Variants in PCSK5 observed in about 807,000 individuals in gnomAD.
The protein encoded by PCSK5 is prohormone convertase 5.
In PCSK5, 129 loss-of-function variants were observed where a neutral mutation model predicts 233.2. The observed-to-expected ratio is 0.55, with a 90% CI of 0.48 to 0.64. The LOEUF (loss-of-function observed/expected upper bound fraction) is 0.64, where lower values mean the gene tolerates loss of function less well. Among genes scored for constraint, PCSK5 ranks in the 30% least tolerant of loss-of-function variants. PCSK5 has a pLI of 0.00. For missense variants in PCSK5, 2,076 were observed against 2,430.1 expected, an observed-to-expected ratio of 0.85 and a Z score of 3.06; for synonymous variants, 825 against 879.2, an observed-to-expected ratio of 0.94 and a Z score of 1.09.
chr9:76,051,761 G>A (rs1255494521), intron 5 of PCSK5, among the ~76,000 whole-genome samples: 1 of 152,176 alleles, frequency 6.6e-6, no homozygotes, highest in African/African-American at 2.4e-5. Flanking sequence ...TATATTCATT[G>A]TCAAGGAGTA....
chr9:76,332,965 C>A (rs1829578273), intron 34 of PCSK5, among the ~76,000 whole-genome samples: 1 of 152,198 alleles, frequency 6.6e-6, no homozygotes, highest in Admixed American at 6.5e-5. Flanking sequence ...TCACTTAAGG[C>A]AGGAGTTTGA....
At chr9:75,911,201 G>GTTTTTTTTTT (rs71370772) in intron 1 of PCSK5, among the ~76,000 whole-genome samples, 13 of 48,760 alleles carry the variant, frequency 2.7e-4, no homozygotes, top group African/African-American at 7.6e-4. Flanking sequence ...GAACATATAG[G>GTTTTTTTTTT]TTTTTTTTTT....
chr9:76,072,883 A>G (rs1830527459), intron 7 of PCSK5, among the ~76,000 whole-genome samples: 2 of 152,224 alleles, frequency 1.3e-5, no homozygotes, highest in South Asian at 2.1e-4. Flanking sequence ...GGAATTAACT[A>G]TAAACAGCCC....
chr9:75,968,654 G>C (rs991863476), intron 2 of PCSK5, among the ~76,000 whole-genome samples: 3 of 152,176 alleles, frequency 2.0e-5, no homozygotes. Context: ...AAATACATGA[G>C]GGCCAGATTT....
intron 5 of PCSK5, 152 bp downstream of exon 5, chr9:76,027,189 G>A: frequency 1.8e-6 from 1 of 564,034 alleles, no homozygotes; most frequent in South Asian, 2.5e-5. Context: ...TGAAGCCTCT[G>A]AGTAAGAAAA....
chr9:76,205,676 C>T (rs548411610), intron 20 of PCSK5, among the ~76,000 whole-genome samples: 4 of 152,196 alleles, frequency 2.6e-5, no homozygotes, highest in Non-Finnish European at 5.9e-5. Context: ...TGGTTGTCAA[C>T]GAGACAACAT....
chr9:75,967,961 C>T (rs1380512007), intron 2 of PCSK5, among the ~76,000 whole-genome samples: 1 of 152,214 alleles, frequency 6.6e-6, no homozygotes, highest in African/African-American at 2.4e-5. Context: ...GGGGTTTCTC[C>T]ATGTTGGTCA....
At chr9:76,112,883 A>G (rs752688359) in intron 9 of PCSK5, among the ~76,000 whole-genome samples, 9 of 152,132 alleles carry the variant, frequency 5.9e-5, no homozygotes, top group Non-Finnish European at 1.0e-4. Context: ...CCCAGCTTTG[A>G]TGATTCAAAT....
chr9:76,039,161 A>G (rs928613093), intron 5 of PCSK5, among the ~76,000 whole-genome samples: 3 of 152,152 alleles, frequency 2.0e-5, no homozygotes, highest in African/African-American at 7.2e-5. Context: ...AGTTCATTCC[A>G]CTTATGTTCG....
intron 12 of PCSK5, 131 bp from the exon 13 acceptor site, chr9:76,169,573 C>A: frequency 3.2e-6 from 2 of 623,174 alleles, no homozygotes; most frequent in Non-Finnish European, 2.8e-6. Flanking sequence ...TGGTGACATC[C>A]AGGATGCAGA....
intron 3 of PCSK5, among the ~76,000 whole-genome samples, chr9:75,994,774 G>A (rs2131412474): frequency 6.6e-6 from 1 of 152,194 alleles, no homozygotes; most frequent in East Asian, 1.9e-4. Flanking sequence ...TCATACAGCA[G>A]CCAGAGTGAT....
intron 20 of PCSK5, among the ~76,000 whole-genome samples, chr9:76,206,949 AG>A (rs1177179286): frequency 6.6e-6 from 1 of 152,172 alleles, no homozygotes; most frequent in Non-Finnish European, 1.5e-5. Flanking sequence ...CAGAGGGTCC[AG>A]GGGAGAATCC....
chr9:76,227,246 C>T (rs1310395464), intron 20 of PCSK5, among the ~76,000 whole-genome samples: 1 of 152,202 alleles, frequency 6.6e-6, no homozygotes, highest in Non-Finnish European at 1.5e-5. Context: ...ATCTGTAACA[C>T]ATGTTGACTA....
intron 28 of PCSK5, among the ~76,000 whole-genome samples, chr9:76,304,067 G>A (rs1828701697): frequency 6.6e-6 from 1 of 152,304 alleles, no homozygotes; most frequent in South Asian, 2.1e-4. Flanking sequence ...AGCTACTTGG[G>A]AGGCTGAGAC....
chr9:76,216,951 C>T (rs556513119), intron 20 of PCSK5, among the ~76,000 whole-genome samples: 2 of 152,308 alleles, frequency 1.3e-5, no homozygotes, highest in Non-Finnish European at 2.9e-5. Flanking sequence ...AGCAATTCGA[C>T]TGCCTCAGCC....
chr9:76,192,491 AC>A (rs1310356952), intron 20 of PCSK5, among the ~76,000 whole-genome samples: 1 of 152,204 alleles, frequency 6.6e-6, no homozygotes, highest in African/African-American at 2.4e-5. Context: ...GTGGCAGTTT[AC>A]AACTGCTTTT....
At chr9:76,188,403 A>G (rs1824204584) in intron 17 of PCSK5, among the ~76,000 whole-genome samples, 175 bp from the exon 18 acceptor site, 1 of 152,152 alleles carries the variant, frequency 6.6e-6, no homozygotes, top group Non-Finnish European at 1.5e-5. Context: ...GAAGCATTAT[A>G]AGCATTGAGA....
intron 2 of PCSK5, among the ~76,000 whole-genome samples, chr9:75,958,728 G>A (rs1194394786): frequency 1.3e-5 from 2 of 152,192 alleles, no homozygotes; most frequent in Non-Finnish European, 2.9e-5. Context: ...TTGGGCAAAC[G>A]ATTTAGCTCT....
rs58659276 is a variant in PCSK5, at chr9:76,124,745, CAAAAA to C, written c.1209-9344_1209-9340del. Among the ~76,000 whole-genome samples the C allele has an allele frequency of 9.4e-3, 867 of 92,102 alleles. 13 individuals are homozygous for C. The highest frequency in any genetic ancestry group is 0.034 in the African/African-American group (764 of 22,532). 60.4% of individuals were successfully genotyped at this position (92,102 alleles called of 152,430 possible). A position where few individuals can be genotyped will look rare whatever the true frequency, so the allele number is the denominator to read the frequency against. ...CTGGCGACAGAGCAAGACTCCATCT[CAAAAA>C]AAAAAAAAAAAAAAAAAAATGCAAG... On this transcript the variant is annotated intron_variant, in intron 9 of 37. Transcript: ENST00000674117.
Sources: gnomAD v4.1 joint callset for allele counts (sites outside exome capture counted in the v4.1 genomes callset) on GRCh38, gnomAD v4.1.1 for gene constraint, MANE v1.5 for transcripts, NCBI Gene and HGNC (gene_info 2026-07-23, HGNC 2026-07-21) for gene names.